MAGI3: variants seen among roughly 807,000 people sequenced by gnomAD.
MAGI3 encodes the protein membrane associated guanylate kinase, WW and PDZ domain containing 3.
Under a neutral mutation model 121.8 loss-of-function variants are expected in MAGI3, and 43 were observed. The ratio of observed to expected loss-of-function variants is 0.35; its 90% CI spans 0.28 to 0.46. The LOEUF (loss-of-function observed/expected upper bound fraction) is 0.46, where lower values mean the gene tolerates loss of function less well. Among genes scored for constraint, MAGI3 ranks in the 20% least tolerant of loss-of-function variants. MAGI3 has a pLI of 1.00. For synonymous variants in MAGI3, 553 were observed against 639.3 expected, an observed-to-expected ratio of 0.86 and a Z score of 2.04; for missense variants, 1,547 against 1,797.3, an observed-to-expected ratio of 0.86 and a Z score of 2.52.
intron 1 of MAGI3, among the ~76,000 whole-genome samples, chr1:113,510,935 G>A (rs914395283): frequency 5.9e-5 from 9 of 152,060 alleles, no homozygotes; most frequent in African/African-American, 1.7e-4. Flanking sequence ...ATAACACTGT[G>A]CCTAGATCAC....
intron 19 of MAGI3, among the ~76,000 whole-genome samples, chr1:113,675,392 C>T (rs961866559): frequency 6.6e-6 from 1 of 152,174 alleles, no homozygotes; most frequent in Non-Finnish European, 1.5e-5. Flanking sequence ...ACTCAGAAGC[C>T]TTGCCCCATC....
At chr1:113,444,741 A>T (rs1013642288) in intron 1 of MAGI3, among the ~76,000 whole-genome samples, 3 of 152,218 alleles carry the variant, frequency 2.0e-5, no homozygotes, top group African/African-American at 7.2e-5. Flanking sequence ...TCCAAGGAAA[A>T]AACTGAATCA....
intron 1 of MAGI3, among the ~76,000 whole-genome samples, chr1:113,447,990 C>G (rs934596907): frequency 2.6e-5 from 4 of 152,160 alleles, no homozygotes; most frequent in African/African-American, 9.7e-5. Flanking sequence ...AAAATAAAAG[C>G]TGAAGCTATG....
rs1348737352 is a variant in MAGI3, at chr1:113,685,481, A to C, written c.*1467A>C. ...GTGAAACTCTTTAACCCAACAACTC[A>C]ATTAGCCCCTGTAGATAAGACATGC... On this transcript the variant is annotated 3_prime_UTR_variant, in exon 21 of 21. Transcript: ENST00000307546. The C allele has an allele frequency of 6.6e-6, 1 of 152,318 alleles. No individual in the cohort carries two copies. Among genetic ancestry groups the C allele is most frequent in the Non-Finnish European group, 1.5e-5 (1 of 68,024 alleles). The allele number at this position is 152,318 out of a possible 1,614,324, so 9.4% of individuals were successfully genotyped here.
At chr1:113,597,731 C>G (rs1649110319) in intron 6 of MAGI3, among the ~76,000 whole-genome samples, 1 of 152,138 alleles carries the variant, frequency 6.6e-6, no homozygotes, top group South Asian at 2.1e-4. Context: ...GAATAAGTGT[C>G]AGCCAAGAAT....
chr1:113,598,874 C>A (rs1044428665), intron 6 of MAGI3, among the ~76,000 whole-genome samples: 2 of 152,156 alleles, frequency 1.3e-5, no homozygotes, highest in African/African-American at 4.8e-5. Context: ...AATATACATT[C>A]TTCTCATCAG....
At chr1:113,645,131 T>C (rs940306686) in intron 11 of MAGI3, among the ~76,000 whole-genome samples, 2 of 151,296 alleles carry the variant, frequency 1.3e-5, no homozygotes, top group Non-Finnish European at 2.9e-5. Context: ...TTCAAGCAAT[T>C]CTTGTGCCTT....
At position 113,415,980 on chromosome 1, in the gene MAGI3, TATATATTAATTATATAATTAATTAC is replaced by T. The variant is rs1557743568; in HGVS notation, c.316+24645_316+24669del. ...TTGAGCAGGGGGTCAAAAACATTTA[TATATATTAATTATATAATTAATTAC>T]ATATATTAATTATGTAATTAATGAC... On this transcript the variant is annotated intron_variant, in intron 1 of 20. Transcript: ENST00000307546. 3.0e-4 allele frequency among the ~76,000 whole-genome samples: 36 copies of T among 119,388 alleles called. 1 individual carries two copies. Among genetic ancestry groups the T allele is most frequent in the South Asian group, 2.4e-3 (7 of 2,866 alleles). The allele number at this position is 119,388 out of a possible 152,430, so 78.3% of individuals were successfully genotyped here.
At position 113,398,810 on chromosome 1, in the gene MAGI3, T is replaced by C. The variant is rs1557734829; in HGVS notation, c.316+7461T>C. 2.0e-5 allele frequency among the ~76,000 whole-genome samples: 3 copies of C among 152,084 alleles called. No homozygotes were observed. In the South Asian group the frequency reaches 6.2e-4, roughly 32 times the overall value. On this transcript the variant is annotated intron_variant, in intron 1 of 20. Coordinates refer to ENST00000307546, the MANE Select transcript of MAGI3 (RefSeq NM_001142782.2). ...TAAAATAACTTTTAAAAATTCACTT[T>C]AATGGAGTAGTTCCAGAGATATATT...
Position 113,671,661 on chromosome 1 carries a change from C to T in MAGI3, c.2816-73C>T. 6 of 1,406,412 alleles carry T rather than the reference C, an allele frequency of 4.3e-6. No homozygotes were observed. The South Asian group carries it at 4.8e-5, about 11-fold the overall frequency. 87.1% of individuals were successfully genotyped at this position (1,406,412 alleles called of 1,614,324 possible). ...GCAATAGCCATCTGTTATTGTCTCA[C>T]CTTCACAGATCCGCTTGGCCTTCAC... On this transcript the variant is annotated intron_variant, in intron 16 of 20. Coordinates refer to ENST00000307546, the MANE Select transcript of MAGI3 (RefSeq NM_001142782.2).
chr1:113,569,076 T>C (rs997524435), intron 2 of MAGI3, among the ~76,000 whole-genome samples: 8 of 152,180 alleles, frequency 5.3e-5, no homozygotes, highest in African/African-American at 1.7e-4. Context: ...TTGGCACATA[T>C]GTAGAAAATG....
rs372177813 is a variant in MAGI3 at position 113,590,541 on chromosome 1, A to G, written c.821A>G (p.Asn274Ser). ...TGGATGAAGACTGTTCCAAGTTACA[A>G]CCAAACAAATAGCTCCATGGACTTT... The part of the protein sequence containing the change: ...SDWMKTVPSY[N>S]QTNSSMDFRN... Residue 274 changes from asparagine (N) to serine (S), a missense_variant, in exon 5 of 21, where the codon AAC (asparagine) becomes AGC (serine). Physicochemically the swap from Asn to Ser is conservative, Grantham distance 46. Coordinates refer to ENST00000307546, the MANE Select transcript of MAGI3 (RefSeq NM_001142782.2). The G allele has an allele frequency of 4.3e-6, 7 of 1,613,828 alleles. No individual in the cohort carries two copies. The highest frequency in any genetic ancestry group is 1.7e-4 in the Middle Eastern group (1 of 6,060).
intron 1 of MAGI3, among the ~76,000 whole-genome samples, chr1:113,463,489 T>C (rs747296027): frequency 6.6e-6 from 1 of 152,018 alleles, no homozygotes; most frequent in Non-Finnish European, 1.5e-5. Flanking sequence ...ATAAGAGTAA[T>C]TTTTAAAAAA....
At chr1:113,620,646 C>T (rs1650763689) in intron 8 of MAGI3, among the ~76,000 whole-genome samples, 1 of 152,152 alleles carries the variant, frequency 6.6e-6, no homozygotes, top group Non-Finnish European at 1.5e-5. Context: ...CTTTGCTAGG[C>T]TCTAGGTATT....
intron 4 of MAGI3, among the ~76,000 whole-genome samples, chr1:113,589,564 A>G (rs1009899303): frequency 6.6e-6 from 1 of 152,080 alleles, no homozygotes; most frequent in Non-Finnish European, 1.5e-5. Context: ...CAATGGGGAA[A>G]TGGGTAGAGG....
intron 2 of MAGI3, 39 bp downstream of exon 2, chr1:113,549,670 G>T: frequency 8.6e-7 from 1 of 1,167,242 alleles, no homozygotes; most frequent in Non-Finnish European, 1.3e-6. Context: ...AAGCAGAAAT[G>T]TCCTTTCTTA....
At chr1:113,524,938 TG>T (rs1183158056) in intron 1 of MAGI3, among the ~76,000 whole-genome samples, 1 of 152,132 alleles carries the variant, frequency 6.6e-6, no homozygotes, top group Non-Finnish European at 1.5e-5. Context: ...AATTGAATCA[TG>T]GGGGTGGGTC....
chr1:113,545,196 A>AT (rs1659478191), intron 1 of MAGI3, among the ~76,000 whole-genome samples: 1 of 152,186 alleles, frequency 6.6e-6, no homozygotes, highest in African/African-American at 2.4e-5. Flanking sequence ...CCCAAGACCA[A>AT]TTCCCTACTT....
At chr1:113,660,412 C>T (rs1322796356) in intron 16 of MAGI3, among the ~76,000 whole-genome samples, 1 of 152,050 alleles carries the variant, frequency 6.6e-6, no homozygotes, top group Non-Finnish European at 1.5e-5. Context: ...AAATGTACTT[C>T]TCAGTATTCT....
Sources: allele counts gnomAD v4.1 joint callset (sites outside exome capture counted in the v4.1 genomes callset), GRCh38; gene constraint gnomAD v4.1.1; transcripts MANE v1.5; gene names NCBI Gene and HGNC (gene_info 2026-07-23, HGNC 2026-07-21).